The following LIMD1 variants were observed in gnomAD, a reference collection of about 807,000 sequenced individuals.
The protein encoded by LIMD1 is LIM domain containing 1, also known as LIM domain-containing protein 1.
A neutral mutation model predicts 58.4 loss-of-function variants in LIMD1; 23 were observed. The ratio of observed to expected loss-of-function variants is 0.39; its 90% confidence interval spans 0.28 to 0.56. The LOEUF is 0.56. LIMD1 is among the 20% of genes least tolerant of loss of function. The pLI is 0.57. For synonymous variants in LIMD1, 334 were observed against 345.5 expected, an observed-to-expected ratio of 0.97 and a Z score of 0.37; for missense variants, 838 against 855.5, an observed-to-expected ratio of 0.98 and a Z score of 0.25.
chr3:45,651,799 T>G (rs892476983), intron 2 of LIMD1, among the ~76,000 whole-genome samples: 2 of 151,612 alleles, frequency 1.3e-5, no homozygotes, highest in Non-Finnish European at 2.9e-5. Context: ...GCCTGGCTAA[T>G]TTTTGTATTT....
chr3:45,672,950 G>A, intron 5 of LIMD1, 130 bp downstream of exon 5: 3 of 1,050,586 alleles, frequency 2.9e-6, no homozygotes, highest in Non-Finnish European at 4.2e-6. Context: ...AAGGCTTAAT[G>A]GTTTTGAGGG....
intron 1 of LIMD1, among the ~76,000 whole-genome samples, chr3:45,633,196 C>T (rs976282114): frequency 1.3e-5 from 2 of 152,222 alleles, no homozygotes; most frequent in East Asian, 3.9e-4. Flanking sequence ...CTCATCCGCC[C>T]GCCACCCTCC....
chr3:45,669,937 T>G (rs1352012040), intron 4 of LIMD1, among the ~76,000 whole-genome samples: 1 of 152,224 alleles, frequency 6.6e-6, no homozygotes, highest in African/African-American at 2.4e-5. Flanking sequence ...TGCTAATATT[T>G]ATAAAACATC....
intron 2 of LIMD1, 105 bp downstream of exon 2, chr3:45,636,356 CCCT>C (rs1701789605): frequency 3.8e-6 from 3 of 795,902 alleles, no homozygotes; most frequent in South Asian, 3.9e-5. Flanking sequence ...TGGTCCATGG[CCCT>C]CCTCAGCCCC....
chr3:45,649,496 A>G (rs1280769206), intron 2 of LIMD1, among the ~76,000 whole-genome samples: 3 of 151,538 alleles, frequency 2.0e-5, no homozygotes, highest in African/African-American at 7.3e-5. Flanking sequence ...CCTGACTAAC[A>G]TGGTGAAACC....
chr3:45,673,586 C>A, intron 6 of LIMD1, 81 bp downstream of exon 6: 1 of 1,143,798 alleles, frequency 8.7e-7, no homozygotes, highest in Non-Finnish European at 1.3e-6. Flanking sequence ...GATCCATGTC[C>A]TGTCCTTACA....
chr3:45,637,819 T>C (rs114973289), intron 2 of LIMD1, among the ~76,000 whole-genome samples: 4,605 of 152,338 alleles, frequency 0.03, 77 homozygotes, highest in Non-Finnish European at 0.041. Context: ...AACCTCATGC[T>C]TCAGTCCTCA....
Position 45,685,062 on chromosome 3 carries a change from T to A in LIMD1, c.*8003T>A, listed in dbSNP as rs1021295900. The A allele has an allele frequency of 1.3e-5, 2 of 151,760 alleles. No homozygotes were observed. Among genetic ancestry groups the A allele is most frequent in the African/African-American group, 4.9e-5 (2 of 41,028 alleles). The allele number at this position is 151,760 out of a possible 1,614,324, so 9.4% of individuals were successfully genotyped here. A position where few individuals can be genotyped will look rare whatever the true frequency, so the allele number is the denominator to read the frequency against. On this transcript the variant is annotated 3_prime_UTR_variant, in exon 8 of 8. Transcript: ENST00000273317. ...CCTAAAAGTAGGTTGTAGAGATTATTTGGATGTGCCAACAAGCTTCATCTG... is the reference window on the plus strand; with the variant it reads ...CCTAAAAGTAGGTTGTAGAGATTATATGGATGTGCCAACAAGCTTCATCTG...
intron 1 of LIMD1, among the ~76,000 whole-genome samples, chr3:45,604,285 C>T (rs889428574): frequency 2.6e-5 from 4 of 152,132 alleles, no homozygotes; most frequent in Non-Finnish European, 5.9e-5. Context: ...GACTGGATAC[C>T]GTCTCGGTCC....
intron 4 of LIMD1, among the ~76,000 whole-genome samples, chr3:45,669,616 A>G (rs1311285006): frequency 6.6e-6 from 1 of 152,164 alleles, no homozygotes; most frequent in East Asian, 1.9e-4. Flanking sequence ...CCATTATTCC[A>G]ACTTCTATTG....
chr3:45,616,413 C>T (rs759719469), intron 1 of LIMD1, among the ~76,000 whole-genome samples: 5 of 152,212 alleles, frequency 3.3e-5, no homozygotes, highest in Non-Finnish European at 5.9e-5. Context: ...ACTTAGCAGG[C>T]AGATGGATCC....
intron 2 of LIMD1, among the ~76,000 whole-genome samples, chr3:45,639,664 T>C (rs192207466): frequency 4.1e-5 from 6 of 144,882 alleles, no homozygotes; most frequent in African/African-American, 1.5e-4. Context: ...GAGGTTAGGA[T>C]TTTTTTTCTT....
chr3:45,646,499 C>G (rs1701909444), intron 2 of LIMD1, among the ~76,000 whole-genome samples: 2 of 152,226 alleles, frequency 1.3e-5, no homozygotes, highest in African/African-American at 4.8e-5. Flanking sequence ...ACCTGTAGAC[C>G]TGCACCATCT....
chr3:45,628,850 A>G (rs1701696891), intron 1 of LIMD1, among the ~76,000 whole-genome samples: 1 of 152,248 alleles, frequency 6.6e-6, no homozygotes, highest in Non-Finnish European at 1.5e-5. Flanking sequence ...CTCCTGCTGC[A>G]TGTAACAGCA....
chr3:45,595,222 G>T lies in LIMD1; in HGVS notation c.343G>T (p.Gly115Trp). 1 of 1,602,718 alleles carries T rather than the reference G, an allele frequency of 6.2e-7. No homozygotes were observed. ...PPLAASTGAPGAVTTLAAGQP... is the reference protein window; with the variant it reads ...PPLAASTGAPWAVTTLAAGQP... ...TCTTGCTGCCTCGACAGGGGCACCT[G>T]GGGCAGTCACCACCCTCGCTGCTGG... The change falls in exon 1 of 8, where the codon GGG becomes TGG. Residue 115 changes from glycine (G) to tryptophan (W), a missense_variant. Physicochemically the swap from Gly to Trp is radical, Grantham distance 184 (BLOSUM62 -2). This residue lies in a region of LIMD1 where 659 missense variants were observed against 639.8 expected (regional missense o/e 1.03). Coordinates refer to ENST00000273317, the MANE Select transcript of LIMD1 (RefSeq NM_014240.3).
chr3:45,624,512 C>T (rs909854915), intron 1 of LIMD1, among the ~76,000 whole-genome samples: 4 of 151,974 alleles, frequency 2.6e-5, no homozygotes, highest in Non-Finnish European at 5.9e-5. Context: ...TCGAGACCAT[C>T]CTGGCTAAAC....
At chr3:45,653,969 TGAA>T (rs1702001120) in intron 2 of LIMD1, among the ~76,000 whole-genome samples, 1 of 151,596 alleles carries the variant, frequency 6.6e-6, no homozygotes, top group Admixed American at 6.6e-5. Context: ...AAAAGCTATT[TGAA>T]GAAGTAGATT....
At chr3:45,642,851 T>G (rs1305163004) in intron 2 of LIMD1, among the ~76,000 whole-genome samples, 1 of 152,180 alleles carries the variant, frequency 6.6e-6, no homozygotes, top group Non-Finnish European at 1.5e-5. Context: ...TTGTTCAAGT[T>G]CCCTTCTTCT....
rs2125645558 is a variant in LIMD1 at position 45,595,584 on chromosome 3, C to T, written c.705C>T (p.Ser235=). 2 of 1,614,128 alleles carry T rather than the reference C, an allele frequency of 1.2e-6. No homozygotes were observed. Among genetic ancestry groups the T allele is most frequent in the Non-Finnish European group, 1.7e-6 (2 of 1,180,016 alleles). Residue 235 remains serine (S), a synonymous_variant, in exon 1 of 8, where the codon AGC becomes AGT. Transcript: ENST00000273317. ...HPLNHRQLSL[S]SSRSSEGSLG... ...TAAATCACCGACAGCTCTCCCTGAG[C>T]TCCAGCAGGTCTTCTGAGGGTAGCC...
Sources: allele counts gnomAD v4.1 joint callset (sites outside exome capture counted in the v4.1 genomes callset), GRCh38; gene constraint gnomAD v4.1.1; regional missense constraint gnomAD v4.1.1; transcripts MANE v1.5; gene names NCBI Gene and HGNC (gene_info 2026-07-23, HGNC 2026-07-21).